UBE2W: variants seen among roughly 807,000 people sequenced by gnomAD.
The protein encoded by UBE2W is ubiquitin-conjugating enzyme E2 W.
A neutral mutation model predicts 27.2 loss-of-function variants in UBE2W; 18 were observed. The observed-to-expected ratio is 0.66, with a 90% confidence interval of 0.46 to 0.98. UBE2W has a LOEUF of 0.98. Among genes scored for constraint, UBE2W ranks in the 50% least tolerant of loss-of-function variants. The pLI is 0.00. For synonymous variants in UBE2W, 53 were observed against 57.2 expected (o/e 0.93, Z 0.33); for missense variants, 90 against 180.2 (o/e 0.50, Z 2.87).
At chr8:73,867,998 C>A (rs935466523) in intron 1 of UBE2W, among the ~76,000 whole-genome samples, 4 of 152,104 alleles carry the variant, frequency 2.6e-5, no homozygotes, top group South Asian at 2.1e-4. Flanking sequence ...TGTGGTATTG[C>A]GATTTACAAC....
rs1808176374 is a variant in UBE2W at position 73,791,239 on chromosome 8, C to A, written c.*2863G>T. The stretch of plus-strand genomic sequence containing the variant: ...CTGAAAACAATCCTTCTCTCTAAAC[C>A]TATGGCATTAATCCCTACTTGACCA... On this transcript the variant is annotated 3_prime_UTR_variant, in exon 6 of 6. Coordinates refer to ENST00000602593, the MANE Select transcript of UBE2W (RefSeq NM_018299.6). 3.1e-6 allele frequency: 3 copies of A among 981,234 alleles called. No individual in the cohort carries two copies. The highest frequency in any genetic ancestry group is 1.8e-5 in the African/African-American group (1 of 55,264). The allele number at this position is 981,234 out of a possible 1,614,324, so 60.8% of individuals were successfully genotyped here.
At chr8:73,853,564 C>A (rs934981735) in intron 1 of UBE2W, among the ~76,000 whole-genome samples, 2 of 152,078 alleles carry the variant, frequency 1.3e-5, no homozygotes, top group Non-Finnish European at 2.9e-5. Flanking sequence ...CCTGACCCAG[C>A]AAAATATATT....
rs1563582584 is a variant in UBE2W at position 73,810,579 on chromosome 8, A to G, written c.261T>C (p.Asn87=). 1 of 1,611,182 alleles carries G rather than the reference A, an allele frequency of 6.2e-7. No individual in the cohort carries two copies. Among genetic ancestry groups the G allele is most frequent in the East Asian group, 2.2e-5 (1 of 44,594 alleles). ...TTAGAATGGATAAACAGATATGACC[A>G]TTGCTATAAACATGAGGATGAACAG... ...NIPVHPHVYS[N]GHICLSILTE... is the part of the protein sequence containing the mutation. Residue 87 remains asparagine, a synonymous_variant, in exon 4 of 6, where the codon AAT becomes AAC. Coordinates refer to ENST00000602593, the MANE Select transcript of UBE2W (RefSeq NM_018299.6).
At chr8:73,873,613 G>T (rs1053924457) in intron 1 of UBE2W, among the ~76,000 whole-genome samples, 1 of 152,168 alleles carries the variant, frequency 6.6e-6, no homozygotes. Context: ...CCAAGACCAC[G>T]TCACTGCACT....
chr8:73,786,138 T>C (rs1807946523), downstream of UBE2W: 1 of 862,704 alleles, frequency 1.2e-6, no homozygotes, highest in Non-Finnish European at 1.4e-6. Context: ...ATGTATTTAG[T>C]TTAAAACAAT....
intron 1 of UBE2W, among the ~76,000 whole-genome samples, chr8:73,872,627 G>C (rs1812047110): frequency 1.3e-5 from 2 of 152,186 alleles, no homozygotes; most frequent in Non-Finnish European, 2.9e-5. Context: ...TCTGAAATCT[G>C]TTGATGCTGT....
intron 3 of UBE2W, among the ~76,000 whole-genome samples, chr8:73,819,488 CCT>C (rs1331311898): frequency 2.0e-5 from 3 of 152,194 alleles, no homozygotes; most frequent in Admixed American, 6.5e-5. Flanking sequence ...TACTCTCTCC[CCT>C]CTCTCAAGAA....
chr8:73,826,324 A>T lies in UBE2W; in HGVS notation c.108-1075T>A, dbSNP rs139171718. 3.1e-3 allele frequency among the ~76,000 whole-genome samples: 465 copies of T among 152,334 alleles called. 2 individuals are homozygous for T. The highest frequency in any genetic ancestry group is 0.01 in the African/African-American group (430 of 41,570). On this transcript the variant is annotated intron_variant, in intron 2 of 5. Transcript: ENST00000602593. ...GCAAAGATAACAGGGCAGCATTAGA[A>T]GCAAAAGTGAATTGAAGTCATTAAC... is the stretch of plus-strand genomic sequence containing the variant.
At chr8:73,849,888 G>A (rs1222204931) in intron 1 of UBE2W, among the ~76,000 whole-genome samples, 1 of 152,050 alleles carries the variant, frequency 6.6e-6, no homozygotes, top group African/African-American at 2.4e-5. Context: ...TTAATATCAA[G>A]TGAAACAAAT....
chr8:73,794,914 T>TA (rs1808349768), intron 5 of UBE2W, among the ~76,000 whole-genome samples: 2 of 136,744 alleles, frequency 1.5e-5, no homozygotes, highest in African/African-American at 5.4e-5. Context: ...TATAGATACA[T>TA]ATGCAAATGG....
rs78316420 is a variant in UBE2W, at chr8:73,820,006, G to A, written c.210+5141C>T. On this transcript the variant is annotated intron_variant, in intron 3 of 5. Coordinates refer to ENST00000602593, the MANE Select transcript of UBE2W (RefSeq NM_018299.6). The stretch of plus-strand genomic sequence containing the variant: ...CTTTCTTTTTTTTATTAGAGATGGG[G>A]TTGCCCTACGTTGCCCAGGCTGGTC... 7.9e-5 allele frequency among the ~76,000 whole-genome samples: 12 copies of A among 152,254 alleles called. No homozygotes were observed. In the East Asian group the frequency reaches 2.3e-3, roughly 29 times the overall value.
At chr8:73,823,939 T>A (rs551793879) in intron 3 of UBE2W, among the ~76,000 whole-genome samples, 1 of 152,208 alleles carries the variant, frequency 6.6e-6, no homozygotes. Context: ...AATATGATTT[T>A]CCTCCAAATA....
At chr8:73,857,925 T>C (rs1171405062) in intron 1 of UBE2W, among the ~76,000 whole-genome samples, 1 of 152,094 alleles carries the variant, frequency 6.6e-6, no homozygotes, top group Non-Finnish European at 1.5e-5. Flanking sequence ...TTCTGAGATT[T>C]TCAGAATACC....
Position 73,787,570 on chromosome 8 carries a change from T to C in UBE2W, c.*6532A>G. 1 of 985,388 alleles carries C rather than the reference T, an allele frequency of 1.0e-6. No individual in the cohort carries two copies. The highest frequency in any genetic ancestry group is 1.2e-6 in the Non-Finnish European group (1 of 829,916). 61.0% of individuals were successfully genotyped at this position (985,388 alleles called of 1,614,324 possible). ...ATGGCTGCCTCAATGAGGACTAAGG[T>C]GCTCCTGGGGCAAGCAGATCCCCTG... On this transcript the variant is annotated 3_prime_UTR_variant, in exon 6 of 6. Coordinates refer to ENST00000602593, the MANE Select transcript of UBE2W (RefSeq NM_018299.6).
At chr8:73,799,050 T>C (rs911452189) in intron 5 of UBE2W, among the ~76,000 whole-genome samples, 3 of 152,138 alleles carry the variant, frequency 2.0e-5, no homozygotes, top group African/African-American at 7.2e-5. Flanking sequence ...AGGTATGACT[T>C]CAATTTCTTA....
intron 1 of UBE2W, among the ~76,000 whole-genome samples, chr8:73,863,231 T>C (rs1473152276): frequency 2.4e-4 from 35 of 146,190 alleles, no homozygotes; most frequent in African/African-American, 7.3e-4. Flanking sequence ...ATATACACCA[T>C]GGAATACTAT....
intron 5 of UBE2W, among the ~76,000 whole-genome samples, chr8:73,797,624 C>T (rs1336898287): frequency 6.6e-6 from 1 of 152,220 alleles, no homozygotes; most frequent in Non-Finnish European, 1.5e-5. Context: ...TTTGATACTA[C>T]TAGTCTGAGA....
intron 1 of UBE2W, among the ~76,000 whole-genome samples, chr8:73,833,561 G>A (rs559182711): frequency 2.4e-4 from 37 of 152,078 alleles, no homozygotes; most frequent in Non-Finnish European, 4.1e-4. Flanking sequence ...AAATGGCTAC[G>A]TATTTTGCAC....
intron 4 of UBE2W, among the ~76,000 whole-genome samples, chr8:73,780,958 G>A (rs541171322): frequency 6.6e-6 from 1 of 152,222 alleles, no homozygotes; most frequent in South Asian, 2.1e-4. Flanking sequence ...TCATTGATTA[G>A]GCTTTTGGAC....
Sources: allele counts gnomAD v4.1 joint callset (sites outside exome capture counted in the v4.1 genomes callset), GRCh38; gene constraint gnomAD v4.1.1; transcripts MANE v1.5; gene names NCBI Gene and HGNC (gene_info 2026-07-23, HGNC 2026-07-21).